CDH8: variants seen among roughly 807,000 people sequenced by gnomAD.
CDH8 encodes cadherin-8.
CDH8 carries 17 observed loss-of-function variants against 68.1 expected under a neutral mutation model. The ratio of observed to expected loss-of-function variants is 0.25; its 90% CI spans 0.17 to 0.37. The LOEUF is 0.37. Ranked by LOEUF, CDH8 falls within the 10% of genes least tolerant of loss-of-function variation. The probability of loss-of-function intolerance (pLI) is 1.00; values close to 1 mark genes in which losing one functional copy is unlikely to be tolerated. For missense variants in CDH8, 763 were observed against 999.3 expected (o/e 0.76, Z 3.19); for synonymous variants, 372 against 365.1 (o/e 1.02, Z -0.21).
At chr16:61,728,785 T>A (rs1037984952) in intron 8 of CDH8, among the ~76,000 whole-genome samples, 2 of 151,160 alleles carry the variant, frequency 1.3e-5, no homozygotes, top group African/African-American at 4.8e-5. Context: ...CATAGCATTT[T>A]GTGCTAAACA....
intron 8 of CDH8, among the ~76,000 whole-genome samples, chr16:61,765,401 A>G (rs1431077928): frequency 6.6e-6 from 1 of 152,030 alleles, no homozygotes; most frequent in Non-Finnish European, 1.5e-5. Context: ...ATAAATAGAC[A>G]ATTATGGTTT....
rs372977812 is a variant in CDH8, at chr16:61,990,961, AAGAAAGAAAG to A, written c.252+30181_252+30190del. On this transcript the variant is annotated intron_variant, in intron 2 of 11. Coordinates refer to ENST00000577390, the MANE Select transcript of CDH8 (RefSeq NM_001796.5). ...AAGAAACAGAGAGAGAGAAAAAAGA[AAGAAAGAAAG>A]AGAAAGAAAGGAAGGAAGAAAGGGA... Among the ~76,000 whole-genome samples, 632 of 151,616 alleles carry A rather than the reference AAGAAAGAAAG, an allele frequency of 4.2e-3. 7 individuals are homozygous for A. The highest frequency in any genetic ancestry group is 0.015 in the African/African-American group (596 of 41,068).
At chr16:61,881,755 G>C (rs1298035712) in intron 3 of CDH8, among the ~76,000 whole-genome samples, 1 of 152,100 alleles carries the variant, frequency 6.6e-6, no homozygotes, top group Non-Finnish European at 1.5e-5. Context: ...GTTTCAGAGA[G>C]GTAAATTCCT....
chr16:61,959,982 G>A (rs55706855), intron 2 of CDH8, among the ~76,000 whole-genome samples: 1,763 of 30,850 alleles, frequency 0.057, 80 homozygotes, highest in Admixed American at 0.089. Context: ...GTGTGTGTGT[G>A]TGTATATATA....
chr16:61,810,421 C>G (rs1188813146), intron 7 of CDH8, among the ~76,000 whole-genome samples: 1 of 151,870 alleles, frequency 6.6e-6, no homozygotes, highest in Non-Finnish European at 1.5e-5. Flanking sequence ...TATTATTCCT[C>G]TAAGGAAAAG....
At chr16:61,674,772 T>C (rs1963864276) in intron 10 of CDH8, among the ~76,000 whole-genome samples, 2 of 152,020 alleles carry the variant, frequency 1.3e-5, no homozygotes, top group Admixed American at 6.6e-5. Flanking sequence ...AAATGGAAGA[T>C]TATGTACTTT....
intron 2 of CDH8, among the ~76,000 whole-genome samples, chr16:61,968,057 G>T (rs542949119): frequency 1.3e-5 from 2 of 152,132 alleles, no homozygotes; most frequent in African/African-American, 2.4e-5. Flanking sequence ...CGATCCACCC[G>T]CTTTGGCCTC....
chr16:61,764,335 T>C (rs963580430), intron 8 of CDH8, among the ~76,000 whole-genome samples: 5 of 152,058 alleles, frequency 3.3e-5, no homozygotes, highest in African/African-American at 1.2e-4. Context: ...CAGAAGGAGT[T>C]AGCTGAGAAA....
At chr16:61,879,496 T>G (rs946581807) in intron 3 of CDH8, among the ~76,000 whole-genome samples, 2 of 152,220 alleles carry the variant, frequency 1.3e-5, no homozygotes, top group Admixed American at 1.3e-4. Context: ...AATAGTCATG[T>G]AAGACCCTGA....
chr16:61,660,884 A>T (rs1276980612), intron 10 of CDH8, among the ~76,000 whole-genome samples: 1 of 152,072 alleles, frequency 6.6e-6, no homozygotes, highest in South Asian at 2.1e-4. Context: ...AAATGAGAGA[A>T]TTTGTCACCA....
chr16:61,692,558 G>T (rs1964247766), intron 10 of CDH8: 1 of 141,060 alleles, frequency 7.1e-6, no homozygotes, highest in African/African-American at 2.5e-5. Flanking sequence ...AGCTAAAAGA[G>T]AGTTGTGGGT....
Position 61,865,940 on chromosome 16 carries a change from G to A in CDH8, c.548-8702C>T, listed in dbSNP as rs150812710. Among the ~76,000 whole-genome samples, 14 of 152,274 alleles carry A rather than the reference G, an allele frequency of 9.2e-5. No individual in the cohort carries two copies. The East Asian group carries it at 2.7e-3, about 29-fold the overall frequency. ...CTACGGTATGTGACAACTACAGCAG[G>A]TAGAAATGTCATTCATCCTCTAATC... On this transcript the variant is annotated intron_variant, in intron 3 of 11. Transcript: ENST00000577390.
chr16:62,021,015 A>G (rs1902060723), intron 2 of CDH8, 137 bp downstream of exon 2: 3 of 753,056 alleles, frequency 4.0e-6, no homozygotes, highest in Non-Finnish European at 6.5e-6. Flanking sequence ...TTCCTAACAG[A>G]ACGACAGGTA....
intron 2 of CDH8, among the ~76,000 whole-genome samples, chr16:61,990,969 A>G (rs1037796735): frequency 2.0e-5 from 3 of 148,852 alleles, no homozygotes; most frequent in African/African-American, 7.8e-5. Context: ...GAAAGAAAGA[A>G]AGAGAAAGAA....
rs1227845442 is a variant in CDH8 at position 61,844,737 on chromosome 16, G to T, written c.667+12382C>A. Among the ~76,000 whole-genome samples, 6 of 152,280 alleles carry T rather than the reference G, an allele frequency of 3.9e-5. No homozygotes were observed. In the East Asian group the frequency reaches 1.2e-3, roughly 29 times the overall value. ...GTGGATAGAAAATGAAACTTGATGG[G>T]TCAGGGTGGGTTCCTTTCTTCTAAC... On this transcript the variant is annotated intron_variant, in intron 4 of 11. Transcript: ENST00000577390.
At chr16:61,832,506 C>G (rs976334070) in intron 4 of CDH8, among the ~76,000 whole-genome samples, 1 of 151,698 alleles carries the variant, frequency 6.6e-6, no homozygotes, top group Non-Finnish European at 1.5e-5. Flanking sequence ...TATAACAACC[C>G]ATTTGGAAAT....
At chr16:61,889,084 GA>G (rs1243707960) in intron 3 of CDH8, among the ~76,000 whole-genome samples, 4 of 152,132 alleles carry the variant, frequency 2.6e-5, no homozygotes, top group African/African-American at 9.7e-5. Flanking sequence ...TTAGGATGGG[GA>G]TGTATATGAG....
At chr16:62,007,635 A>G (rs1161623294) in intron 2 of CDH8, among the ~76,000 whole-genome samples, 1 of 152,196 alleles carries the variant, frequency 6.6e-6, no homozygotes, top group Non-Finnish European at 1.5e-5. Flanking sequence ...ACAGAAAAGT[A>G]TATACAAAAG....
intron 2 of CDH8, among the ~76,000 whole-genome samples, chr16:61,932,322 A>G (rs181453839): frequency 3.0e-4 from 46 of 152,328 alleles, no homozygotes; most frequent in African/African-American, 1.1e-3. Context: ...GCTAAAACAA[A>G]AGATGAAGCA....
Sources: gnomAD v4.1 joint callset for allele counts (sites outside exome capture counted in the v4.1 genomes callset) on GRCh38, gnomAD v4.1.1 for gene constraint, MANE v1.5 for transcripts, NCBI Gene and HGNC (gene_info 2026-07-23, HGNC 2026-07-21) for gene names.